The following ANKS1B variants were observed in gnomAD, a reference collection of about 807,000 sequenced individuals.
ANKS1B encodes the protein ankyrin repeat and sterile alpha motif domain-containing protein 1B.
In ANKS1B, 36 loss-of-function variants were observed where a neutral mutation model predicts 148.3. The ratio of observed to expected loss-of-function variants is 0.24; its 90% CI spans 0.19 to 0.32. The LOEUF is 0.32. Among genes scored for constraint, ANKS1B ranks in the 10% least tolerant of loss-of-function variants. The pLI is 1.00. For synonymous variants in ANKS1B, 542 were observed against 560.8 expected (o/e 0.97, Z 0.47); for missense variants, 1,157 against 1,542.6 (o/e 0.75, Z 4.19).
At chr12:99,766,522 G>A (rs1177642848) in intron 8 of ANKS1B, among the ~76,000 whole-genome samples, 4 of 152,062 alleles carry the variant, frequency 2.6e-5, no homozygotes, top group African/African-American at 4.8e-5. Flanking sequence ...CAGTACATAC[G>A]TGTGGTTAAT....
intron 4 of ANKS1B, among the ~76,000 whole-genome samples, chr12:99,803,787 C>G (rs1395281905): frequency 6.6e-6 from 1 of 152,194 alleles, no homozygotes; most frequent in African/African-American, 2.4e-5. Flanking sequence ...TCGTGTTGGA[C>G]TTTCAAAGGT....
intron 22 of ANKS1B, among the ~76,000 whole-genome samples, chr12:98,785,425 G>A (rs982222621): frequency 1.2e-4 from 19 of 152,024 alleles, no homozygotes; most frequent in African/African-American, 3.9e-4. Context: ...AGCCAAGATC[G>A]CGCCACTGCA....
At chr12:99,530,625 T>C (rs1349629586) in intron 9 of ANKS1B, among the ~76,000 whole-genome samples, 1 of 152,176 alleles carries the variant, frequency 6.6e-6, no homozygotes, top group African/African-American at 2.4e-5. Flanking sequence ...ACAAAACTTA[T>C]GCAAATTTTA....
intron 15 of ANKS1B, among the ~76,000 whole-genome samples, chr12:99,092,406 G>A (rs191933441): frequency 2.0e-5 from 3 of 150,548 alleles, no homozygotes; most frequent in Non-Finnish European, 1.5e-5. Context: ...TGCCAGAAGC[G>A]GAGATGAAAG....
At chr12:99,522,321 A>G (rs915188265) in intron 9 of ANKS1B, among the ~76,000 whole-genome samples, 4 of 152,152 alleles carry the variant, frequency 2.6e-5, no homozygotes, top group African/African-American at 9.7e-5. Context: ...AATGGGAATG[A>G]ATAGCTTTGA....
intron 10 of ANKS1B, among the ~76,000 whole-genome samples, chr12:99,494,340 C>A: frequency 6.6e-6 from 1 of 152,076 alleles, no homozygotes; most frequent in Non-Finnish European, 1.5e-5. Flanking sequence ...CTAGCTGAGT[C>A]GTCAGGTGGG....
chr12:98,829,497 C>T lies in ANKS1B; in HGVS notation c.2887-144G>A. 1.4e-6 allele frequency: 1 copy of T among 724,540 alleles called. No individual in the cohort carries two copies. The highest frequency in any genetic ancestry group is 2.3e-6 in the Non-Finnish European group (1 of 437,746). The allele number at this position is 724,540 out of a possible 1,614,324, so 44.9% of individuals were successfully genotyped here. ...CCAAGGAATGAATGACATTCCACCACTTTATTAATGGCATGATCTAGTCAA... is the reference window on the plus strand; with the variant it reads ...CCAAGGAATGAATGACATTCCACCATTTTATTAATGGCATGATCTAGTCAA... On this transcript the variant is annotated intron_variant, in intron 18 of 26. Transcript: ENST00000683438. The surrounding 1 kb of genome is among the most constrained non-coding windows in gnomAD (Gnocchi z 5.2).
chr12:99,570,129 T>G (rs1400831725), intron 9 of ANKS1B, among the ~76,000 whole-genome samples: 2 of 152,140 alleles, frequency 1.3e-5, no homozygotes, highest in Admixed American at 6.5e-5. Context: ...TGCTGATGTT[T>G]AACAAGCAGC....
chr12:99,154,239 G>C (rs1010492942), intron 15 of ANKS1B, 50 bp downstream of exon 15: 1 of 1,606,350 alleles, frequency 6.2e-7, no homozygotes. Flanking sequence ...AGACACATAA[G>C]AAGCAAAGAC....
intron 8 of ANKS1B, among the ~76,000 whole-genome samples, chr12:99,673,977 C>A (rs1337054688): frequency 2.6e-5 from 4 of 151,598 alleles, no homozygotes; most frequent in African/African-American, 9.7e-5. Flanking sequence ...TAAGCAAAGA[C>A]TTCTAGAATA....
At chr12:99,008,655 T>C (rs2099937563) in intron 17 of ANKS1B, among the ~76,000 whole-genome samples, 1 of 152,200 alleles carries the variant, frequency 6.6e-6, no homozygotes, top group South Asian at 2.1e-4. Context: ...TCCAAGAGTG[T>C]CATTTAGGTA....
chr12:99,975,355 G>T (rs2153837779), intron 1 of ANKS1B, among the ~76,000 whole-genome samples: 1 of 152,260 alleles, frequency 6.6e-6, no homozygotes, highest in East Asian at 1.9e-4. Context: ...TGAATTAACT[G>T]TCAGGTCCCA....
chr12:99,752,331 G>A (rs1601422732), intron 8 of ANKS1B, among the ~76,000 whole-genome samples: 1 of 151,892 alleles, frequency 6.6e-6, no homozygotes, highest in South Asian at 2.1e-4. Flanking sequence ...TGCTTGCTTG[G>A]TAATACACTT....
At chr12:99,780,535 G>A (rs780148982) in intron 5 of ANKS1B, among the ~76,000 whole-genome samples, 3 of 151,942 alleles carry the variant, frequency 2.0e-5, no homozygotes, top group Admixed American at 1.3e-4. Context: ...GCCCACCTTG[G>A]CCTCCCAAAG....
intron 10 of ANKS1B, among the ~76,000 whole-genome samples, chr12:99,449,923 CTATCTAT>C (rs1482323529): frequency 3.3e-5 from 5 of 151,594 alleles, no homozygotes; most frequent in African/African-American, 1.2e-4. Flanking sequence ...ATCTATCTAT[CTATCTAT>C]CTATCTATCT....
chr12:99,078,830 G>A (rs1385704190), intron 16 of ANKS1B, among the ~76,000 whole-genome samples: 1 of 145,872 alleles, frequency 6.9e-6, no homozygotes, highest in Non-Finnish European at 1.5e-5. Context: ...AACTGAATCT[G>A]GTGACTTGAT....
At chr12:99,766,471 A>T (rs1016799686) in intron 8 of ANKS1B, among the ~76,000 whole-genome samples, 5 of 152,208 alleles carry the variant, frequency 3.3e-5, no homozygotes, top group African/African-American at 1.2e-4. Flanking sequence ...AGGAACAAAA[A>T]CTTACCCTTC....
intron 17 of ANKS1B, among the ~76,000 whole-genome samples, chr12:98,844,544 T>TGGCTGAGGA: frequency 6.6e-6 from 1 of 152,188 alleles, no homozygotes; most frequent in South Asian, 2.1e-4. Flanking sequence ...TTTTGACAGG[T>TGGCTGAGGA]ATTAGTATGA....
At chr12:99,947,949 G>T (rs141136551) in intron 1 of ANKS1B, among the ~76,000 whole-genome samples, 1 of 152,134 alleles carries the variant, frequency 6.6e-6, no homozygotes, top group African/African-American at 2.4e-5. Context: ...ATCATATTTT[G>T]AATGTCCCTG....
Sources: allele counts gnomAD v4.1 joint callset (sites outside exome capture counted in the v4.1 genomes callset), GRCh38; gene constraint gnomAD v4.1.1; non-coding constraint Gnocchi (gnomAD v3.1); transcripts MANE v1.5; gene names NCBI Gene and HGNC (gene_info 2026-07-23, HGNC 2026-07-21).